FRS2: variants seen among roughly 807,000 people sequenced by gnomAD.
FRS2 encodes the protein fibroblast growth factor receptor substrate 2.
Under a neutral mutation model 43.9 loss-of-function variants are expected in FRS2, and 8 were observed. The observed-to-expected ratio is 0.18, with a 90% CI of 0.11 to 0.33. FRS2 has a LOEUF of 0.33. FRS2 is among the 10% of genes least tolerant of loss of function. The pLI is 1.00. For missense variants in FRS2, 534 were observed against 627.6 expected (o/e 0.85, Z 1.59); for synonymous variants, 219 against 220.3 (o/e 0.99, Z 0.05).
intron 1 of FRS2, among the ~76,000 whole-genome samples, chr12:69,511,379 C>G (rs1330779937): frequency 6.6e-6 from 1 of 152,040 alleles, no homozygotes; most frequent in Non-Finnish European, 1.5e-5. Context: ...ATCAAATGTT[C>G]CGGCTGAATG....
At chr12:69,556,425 C>T (rs371688371) in intron 3 of FRS2, among the ~76,000 whole-genome samples, 2 of 151,996 alleles carry the variant, frequency 1.3e-5, no homozygotes, top group South Asian at 2.1e-4. Flanking sequence ...CTCCACCTCC[C>T]AGGGTCAAGC....
intron 3 of FRS2, among the ~76,000 whole-genome samples, chr12:69,532,680 C>T (rs1446748043): frequency 3.9e-5 from 6 of 152,138 alleles, no homozygotes; most frequent in African/African-American, 1.4e-4. Flanking sequence ...TTAGAAGGGA[C>T]ACATTCAAAC....
At chr12:69,479,235 T>G (rs1481259315) in intron 1 of FRS2, among the ~76,000 whole-genome samples, 1 of 152,118 alleles carries the variant, frequency 6.6e-6, no homozygotes, top group East Asian at 1.9e-4. Context: ...TTTCTTAGTC[T>G]CATTCCTGAA....
chr12:69,506,844 A>T (rs1177639725), intron 1 of FRS2, among the ~76,000 whole-genome samples: 8 of 152,216 alleles, frequency 5.3e-5, no homozygotes. Flanking sequence ...AAAGCCTTTA[A>T]GAAGTGGTTA....
At chr12:69,549,759 T>C (rs900092993) in intron 3 of FRS2, among the ~76,000 whole-genome samples, 1 of 152,236 alleles carries the variant, frequency 6.6e-6, no homozygotes, top group Admixed American at 6.5e-5. Context: ...TATTTTCTTC[T>C]CCACACTGGT....
intron 1 of FRS2, among the ~76,000 whole-genome samples, chr12:69,522,146 A>T (rs1193811472): frequency 7.0e-6 from 1 of 143,384 alleles, no homozygotes; most frequent in Non-Finnish European, 1.5e-5. Flanking sequence ...TTTGTTGAGG[A>T]TTTTTGCATC....
chr12:69,501,993 C>G (rs1470590975), intron 1 of FRS2, among the ~76,000 whole-genome samples: 2 of 151,658 alleles, frequency 1.3e-5, no homozygotes, highest in Admixed American at 1.3e-4. Flanking sequence ...TGAGATGGAG[C>G]CTCCCTCTGT....
Position 69,576,877 on chromosome 12 carries a change from A to G in FRS2, c.*1922A>G, listed in dbSNP as rs1881228111. 2 of 152,634 alleles carry G rather than the reference A, an allele frequency of 1.3e-5. No homozygotes were observed. Among genetic ancestry groups the G allele is most frequent in the Non-Finnish European group, 2.9e-5 (2 of 68,030 alleles). The allele number at this position is 152,634 out of a possible 1,614,324, so 9.5% of individuals were successfully genotyped here. ...AAAGAGAGCAGTGGTATAGGTGTGC[A>G]GTTTCCATGATGCAGGTTCCATTTT... On this transcript the variant is annotated 3_prime_UTR_variant, in exon 9 of 9. Transcript: ENST00000549921.
intron 1 of FRS2, among the ~76,000 whole-genome samples, chr12:69,527,320 G>A (rs543491506): frequency 7.4e-4 from 77 of 104,708 alleles, no homozygotes; most frequent in South Asian, 2.2e-3. Flanking sequence ...CAAGAATGGA[G>A]CAAAGTTTTT....
intron 1 of FRS2, among the ~76,000 whole-genome samples, chr12:69,518,996 CA>C (rs35495239): frequency 0.16 from 16,123 of 98,538 alleles, 812 homozygotes; most frequent in Non-Finnish European, 0.18. Context: ...AACTCCGTCT[CA>C]AAAAAAAAAA....
intron 1 of FRS2, among the ~76,000 whole-genome samples, chr12:69,509,315 A>C (rs1000545390): frequency 4.6e-5 from 7 of 151,694 alleles, no homozygotes; most frequent in African/African-American, 2.4e-5. Context: ...GAGGCCACTT[A>C]TAAGAATTTT....
At chr12:69,535,511 G>T (rs1309442613) in intron 3 of FRS2, among the ~76,000 whole-genome samples, 2 of 152,050 alleles carry the variant, frequency 1.3e-5, no homozygotes, top group African/African-American at 4.8e-5. Context: ...AATGATTGCT[G>T]TTAAGTGATT....
intron 3 of FRS2, among the ~76,000 whole-genome samples, chr12:69,543,555 T>G (rs1878103858): frequency 6.6e-6 from 1 of 152,152 alleles, no homozygotes; most frequent in Non-Finnish European, 1.5e-5. Context: ...GGTAAGTCAT[T>G]TGGAGAATGA....
chr12:69,504,814 T>G (rs1263690032), intron 1 of FRS2, among the ~76,000 whole-genome samples: 3 of 152,190 alleles, frequency 2.0e-5, no homozygotes, highest in Non-Finnish European at 4.4e-5. Context: ...TTGCTTACAG[T>G]TGTGCATCTG....
intron 1 of FRS2, among the ~76,000 whole-genome samples, chr12:69,528,603 A>G (rs1876490882): frequency 6.6e-6 from 1 of 152,260 alleles, no homozygotes; most frequent in African/African-American, 2.4e-5. Context: ...GAAGTCGGGA[A>G]CTTAAGAATC....
chr12:69,567,129 T>TA (rs1880369621), intron 4 of FRS2, among the ~76,000 whole-genome samples: 1 of 152,136 alleles, frequency 6.6e-6, no homozygotes, highest in South Asian at 2.1e-4. Context: ...CATATCCTAA[T>TA]ATAAGGTTTA....
At chr12:69,512,222 G>A (rs1400354664) in intron 1 of FRS2, among the ~76,000 whole-genome samples, 1 of 152,070 alleles carries the variant, frequency 6.6e-6, no homozygotes, top group Non-Finnish European at 1.5e-5. Flanking sequence ...GAGTCTGTTA[G>A]CTCATCTCTT....
chr12:69,556,590 G>A (rs906961141), intron 3 of FRS2, among the ~76,000 whole-genome samples: 1 of 152,064 alleles, frequency 6.6e-6, no homozygotes, highest in African/African-American at 2.4e-5. Context: ...CCAAAGTGCT[G>A]GGATTACAGG....
intron 1 of FRS2, among the ~76,000 whole-genome samples, chr12:69,496,117 A>G (rs1373820382): frequency 1.3e-5 from 2 of 152,224 alleles, no homozygotes; most frequent in East Asian, 3.9e-4. Flanking sequence ...CTGTCCTAAA[A>G]CATATTGTCA....
Sources: allele counts gnomAD v4.1 joint callset (sites outside exome capture counted in the v4.1 genomes callset), GRCh38; gene constraint gnomAD v4.1.1; transcripts MANE v1.5; gene names NCBI Gene and HGNC (gene_info 2026-07-23, HGNC 2026-07-21).